Variants in TTC28 observed in about 807,000 individuals in gnomAD.
TTC28 encodes tetratricopeptide repeat protein 28.
A neutral mutation model predicts 198.0 loss-of-function variants in TTC28; 61 were observed. That is an observed-to-expected ratio of 0.31 (90% CI 0.25 to 0.38). TTC28 has a LOEUF of 0.38. Among genes scored for constraint, TTC28 ranks in the 10% least tolerant of loss-of-function variants. TTC28 has a pLI of 1.00. For synonymous variants in TTC28, 1,171 were observed against 1,297.8 expected (o/e 0.90, Z 2.10); for missense variants, 2,678 against 3,164.0 (o/e 0.85, Z 3.69).
At chr22:28,389,238 G>T (rs1041610099) in intron 2 of TTC28, among the ~76,000 whole-genome samples, 2 of 152,164 alleles carry the variant, frequency 1.3e-5, no homozygotes, top group Non-Finnish European at 2.9e-5. Context: ...GCTGGATTCG[G>T]TTTGCCAGTA....
chr22:28,208,293 C>T (rs1431180280), intron 5 of TTC28, among the ~76,000 whole-genome samples: 2 of 152,130 alleles, frequency 1.3e-5, no homozygotes, highest in Non-Finnish European at 2.9e-5. Context: ...CTCATTATCA[C>T]ACTTCACCAG....
intron 2 of TTC28, among the ~76,000 whole-genome samples, chr22:28,618,228 T>C (rs995043177): frequency 2.0e-5 from 3 of 151,872 alleles, no homozygotes; most frequent in Non-Finnish European, 2.9e-5. Context: ...TGAGCCAAGA[T>C]TGCACCACTG....
chr22:28,138,502 T>G (rs928280658), intron 6 of TTC28, among the ~76,000 whole-genome samples: 2 of 152,380 alleles, frequency 1.3e-5, no homozygotes, highest in Middle Eastern at 6.8e-3. Flanking sequence ...TTCTACCCAG[T>G]ATCACCATCA....
At chr22:28,420,256 A>G (rs1282232433) in intron 2 of TTC28, among the ~76,000 whole-genome samples, 1 of 152,200 alleles carries the variant, frequency 6.6e-6, no homozygotes, top group Non-Finnish European at 1.5e-5. Flanking sequence ...TTAAATTCAC[A>G]ATTTGATAAC....
intron 2 of TTC28, among the ~76,000 whole-genome samples, chr22:28,352,190 T>C (rs2046006659): frequency 6.6e-6 from 1 of 152,162 alleles, no homozygotes; most frequent in African/African-American, 2.4e-5. Context: ...AGATCTCATC[T>C]ACTTATCCCT....
intron 2 of TTC28, among the ~76,000 whole-genome samples, chr22:28,572,579 A>G (rs2050080759): frequency 6.6e-6 from 1 of 152,190 alleles, no homozygotes; most frequent in Non-Finnish European, 1.5e-5. Flanking sequence ...AAAAATTTTG[A>G]AAACAGGCAG....
intron 13 of TTC28, among the ~76,000 whole-genome samples, chr22:28,017,139 G>A (rs185575430): frequency 7.5e-4 from 115 of 152,350 alleles, no homozygotes; most frequent in Middle Eastern, 3.4e-3. Context: ...GCTGCAGCAC[G>A]TGGAAAGCCA....
At chr22:28,225,280 G>A (rs555821350) in intron 5 of TTC28, among the ~76,000 whole-genome samples, 37 of 151,750 alleles carry the variant, frequency 2.4e-4, no homozygotes, top group East Asian at 1.6e-3. Context: ...GCTTGAACCC[G>A]AAAGGCGGAG....
chr22:28,096,556 T>C, intron 10 of TTC28, 148 bp from the exon 11 acceptor site: 1 of 847,932 alleles, frequency 1.2e-6, no homozygotes, highest in Non-Finnish European at 1.8e-6. Context: ...CTGCTTCAGA[T>C]TCAATTCCCT....
chr22:28,020,450 G>A (rs1297810954), intron 13 of TTC28, among the ~76,000 whole-genome samples: 6 of 152,238 alleles, frequency 3.9e-5, no homozygotes, highest in South Asian at 4.1e-4. Flanking sequence ...AGGCCACAGA[G>A]GGTCTGCGAA....
At chr22:28,626,184 C>T (rs9625513) in intron 2 of TTC28, among the ~76,000 whole-genome samples, 20,763 of 151,988 alleles carry the variant, frequency 0.14, 1,665 homozygotes, top group African/African-American at 0.2. Context: ...TAGCATGCAG[C>T]TGGAGATAAG....
intron 13 of TTC28, among the ~76,000 whole-genome samples, chr22:28,022,629 G>A (rs1307050810): frequency 3.3e-5 from 5 of 152,240 alleles, no homozygotes; most frequent in Non-Finnish European, 7.3e-5. Context: ...CGAGCTACCT[G>A]GAAAATCCTT....
chr22:28,086,564 A>C (rs1941608565), intron 12 of TTC28, among the ~76,000 whole-genome samples: 1 of 152,202 alleles, frequency 6.6e-6, no homozygotes, highest in African/African-American at 2.4e-5. Context: ...GAAAGCAGGA[A>C]AGATCCAAAA....
chr22:28,518,508 CA>C (rs1029434884), intron 2 of TTC28, among the ~76,000 whole-genome samples: 37 of 152,200 alleles, frequency 2.4e-4, no homozygotes, highest in African/African-American at 8.9e-4. Flanking sequence ...CTCAGCTACT[CA>C]GGAAGCTGAA....
chr22:28,488,640 C>T (rs1445353925), intron 2 of TTC28, among the ~76,000 whole-genome samples: 1 of 151,998 alleles, frequency 6.6e-6, no homozygotes, highest in Non-Finnish European at 1.5e-5. Context: ...TATTATACAA[C>T]TAGATCCAGG....
chr22:28,654,190 G>T (rs1290094893), intron 1 of TTC28, among the ~76,000 whole-genome samples: 1 of 152,148 alleles, frequency 6.6e-6, no homozygotes, highest in African/African-American at 2.4e-5. Context: ...TCAGTTACTT[G>T]TGAGGGCTAA....
Position 28,174,694 on chromosome 22 carries a change from C to T in TTC28, c.934-11095G>A, listed in dbSNP as rs193123826. Reference sequence around the variant, plus strand: ...CGCCACTGCACTCCAGCCTGGATGACACAGCGAAACCCCATATCTTAAGAA... The same window carrying T: ...CGCCACTGCACTCCAGCCTGGATGATACAGCGAAACCCCATATCTTAAGAA... On this transcript the variant is annotated intron_variant, in intron 5 of 22. Coordinates refer to ENST00000397906, the MANE Select transcript of TTC28 (RefSeq NM_001145418.2). Among the ~76,000 whole-genome samples the T allele has an allele frequency of 2.1e-3, 327 of 152,222 alleles. 6 individuals are homozygous for T. Among genetic ancestry groups the T allele is most frequent in the Admixed American group, 1.8e-3 (28 of 15,276 alleles).
chr22:28,020,737 T>C (rs1401742387), intron 13 of TTC28, among the ~76,000 whole-genome samples: 1 of 151,984 alleles, frequency 6.6e-6, no homozygotes, highest in Non-Finnish European at 1.5e-5. Flanking sequence ...GTGAAGTTAA[T>C]TCATGGTGCA....
At chr22:28,272,914 G>A (rs1458808942) in intron 5 of TTC28, among the ~76,000 whole-genome samples, 1 of 152,164 alleles carries the variant, frequency 6.6e-6, no homozygotes, top group Non-Finnish European at 1.5e-5. Flanking sequence ...ACACCTAGAG[G>A]AGAAGAAGAC....
Sources: gnomAD v4.1 joint callset for allele counts (sites outside exome capture counted in the v4.1 genomes callset) on GRCh38, gnomAD v4.1.1 for gene constraint, MANE v1.5 for transcripts, NCBI Gene and HGNC (gene_info 2026-07-23, HGNC 2026-07-21) for gene names.